The following SBNO1 variants were observed in gnomAD, a reference collection of about 807,000 sequenced individuals.
SBNO1 encodes protein strawberry notch homolog 1.
In SBNO1, 23 loss-of-function variants were observed where a neutral mutation model predicts 173.6. That is an observed-to-expected ratio of 0.13 (90% CI 0.10 to 0.19). The LOEUF is 0.19. Ranked by LOEUF, SBNO1 falls within the 10% of genes least tolerant of loss-of-function variation. The probability of loss-of-function intolerance (pLI) is 1.00; values close to 1 mark genes in which losing one functional copy is unlikely to be tolerated. For synonymous variants in SBNO1, 632 were observed against 571.5 expected (o/e 1.11, Z -1.51); for missense variants, 1,238 against 1,671.2 (o/e 0.74, Z 4.52).
chr12:123,296,250 G>GC (rs1472155553), intron 31 of SBNO1, among the ~76,000 whole-genome samples, 200 bp from the exon 32 acceptor site: 31 of 151,412 alleles, frequency 2.0e-4, no homozygotes, highest in African/African-American at 7.0e-4. Context: ...AAATACCCAA[G>GC]CATATGCATG....
intron 28 of SBNO1, among the ~76,000 whole-genome samples, chr12:123,308,997 G>A (rs774191275): frequency 7.9e-5 from 12 of 152,062 alleles, no homozygotes; most frequent in African/African-American, 2.4e-5. Context: ...AGCTACTCGG[G>A]AGGCAGAGGA....
At chr12:123,347,884 C>A in intron 3 of SBNO1, 145 bp downstream of exon 3, 1 of 444,982 alleles carries the variant, frequency 2.2e-6, no homozygotes, top group South Asian at 2.6e-5. Context: ...TCAAGCTGGT[C>A]TTGAATTCCT....
intron 24 of SBNO1, among the ~76,000 whole-genome samples, chr12:123,311,609 C>G (rs1018371796): frequency 6.6e-6 from 1 of 151,828 alleles, no homozygotes; most frequent in Non-Finnish European, 1.5e-5. Context: ...CCCGGCTCGG[C>G]CTCCCAAAGT....
intron 7 of SBNO1, 42 bp from the exon 8 acceptor site, chr12:123,331,417 A>G: frequency 6.3e-7 from 1 of 1,595,900 alleles, no homozygotes; most frequent in Non-Finnish European, 8.6e-7. Context: ...TCCTTCAGAT[A>G]TTTTGGTGAT....
intron 1 of SBNO1, among the ~76,000 whole-genome samples, chr12:123,362,805 G>A (rs943678350): frequency 1.3e-5 from 2 of 149,896 alleles, no homozygotes; most frequent in Non-Finnish European, 3.0e-5. Context: ...TTCTGAAGGG[G>A]CCAGGCACAA....
At chr12:123,301,018 C>CT (rs989121156) in intron 30 of SBNO1, among the ~76,000 whole-genome samples, 13 of 142,680 alleles carry the variant, frequency 9.1e-5, no homozygotes, top group South Asian at 2.4e-4. Flanking sequence ...ACTTTTAAAA[C>CT]TTTTTTTTTT....
At chr12:123,297,815 C>A (rs2048659550) in intron 31 of SBNO1, among the ~76,000 whole-genome samples, 163 bp downstream of exon 31, 1 of 152,134 alleles carries the variant, frequency 6.6e-6, no homozygotes, top group African/African-American at 2.4e-5. Context: ...TGTTTGAAGG[C>A]TTAACTTCTG....
At chr12:123,310,372 T>C (rs1731970757) in intron 25 of SBNO1, among the ~76,000 whole-genome samples, 1 of 151,868 alleles carries the variant, frequency 6.6e-6, no homozygotes, top group Non-Finnish European at 1.5e-5. Context: ...TAGCTGGGAT[T>C]ACAGGCGCCC....
At chr12:123,362,735 CTCCAGCCTGGGCA>C (rs1875482631) in intron 1 of SBNO1, among the ~76,000 whole-genome samples, 1 of 138,786 alleles carries the variant, frequency 7.2e-6, no homozygotes, top group South Asian at 2.3e-4. Flanking sequence ...TACCACTACA[CTCCAGCCTGGGCA>C]ACACAGCAAG....
Position 123,300,980 on chromosome 12 carries a change from C to CA in SBNO1, c.3845+1843dup, listed in dbSNP as rs1555244381. ...ATCTCAAAAAAAAAACAAAAAAAAACAAAAAAAAAACCCAAGTTAGTAGGT... is the reference window on the plus strand; with the variant it reads ...ATCTCAAAAAAAAAACAAAAAAAAACAAAAAAAAAAACCCAAGTTAGTAGGT... On this transcript the variant is annotated intron_variant, in intron 30 of 31. Transcript: ENST00000602398. 2.2e-3 allele frequency among the ~76,000 whole-genome samples: 305 copies of CA among 139,966 alleles called. 2 individuals are homozygous for CA. Among genetic ancestry groups the CA allele is most frequent in the African/African-American group, 4.6e-3 (176 of 38,238 alleles). The allele number at this position is 139,966 out of a possible 152,430, so 91.8% of individuals were successfully genotyped here. A position where few individuals can be genotyped will look rare whatever the true frequency, so the allele number is the denominator to read the frequency against.
Position 123,309,380 on chromosome 12 carries a change from G to A in SBNO1, c.3560C>T (p.Ser1187Leu), listed in dbSNP as rs771852394. 6.2e-7 allele frequency: 1 copy of A among 1,614,074 alleles called. No homozygotes were observed. The highest frequency in any genetic ancestry group is 8.5e-7 in the Non-Finnish European group (1 of 1,179,950). The stretch of plus-strand genomic sequence containing the variant: ...CCAAATCTTGGTAGCTTCCTCCCAT[G>A]ACATTCCCCTCTCTACACTAATCTG... The part of the protein sequence containing the change: ...LYTISVERGM[S>L]WEEATKIWAE... Residue 1187 changes from serine (S) to leucine (L), a missense_variant, in exon 28 of 32, where the codon TCA becomes TTA. Physicochemically the swap from Ser to Leu is moderately radical, Grantham distance 145. Coordinates refer to ENST00000602398, the MANE Select transcript of SBNO1 (RefSeq NM_001167856.3).
chr12:123,336,051 T>G (rs79119217), intron 6 of SBNO1, among the ~76,000 whole-genome samples: 8 of 152,226 alleles, frequency 5.3e-5, no homozygotes, highest in African/African-American at 1.7e-4. Flanking sequence ...TTCGACTTCA[T>G]ACAGTGGCTG....
rs370573671 is a variant in SBNO1, at chr12:123,327,001, TTTTTTG to T, written c.1692+419_1692+424del. Among the ~76,000 whole-genome samples, 774 of 152,170 alleles carry T rather than the reference TTTTTTG, an allele frequency of 5.1e-3. 6 individuals are homozygous for T. Among genetic ancestry groups the T allele is most frequent in the South Asian group, 0.04 (193 of 4,812 alleles). On this transcript the variant is annotated intron_variant, in intron 13 of 31. Transcript: ENST00000602398. ...CTGGTAACTCATCTGTTTGTTTTTG[TTTTTTG>T]TTTTTGTTTTTGTTTTGCGATGGAG...
chr12:123,358,471 G>A (rs1329538308), intron 1 of SBNO1, among the ~76,000 whole-genome samples: 7 of 151,992 alleles, frequency 4.6e-5, no homozygotes, highest in South Asian at 2.1e-4. Context: ...AATGAAATAC[G>A]GGCCAGGCGC....
intron 2 of SBNO1, among the ~76,000 whole-genome samples, chr12:123,349,541 A>G (rs1017018062): frequency 7.7e-6 from 1 of 129,538 alleles, no homozygotes; most frequent in Non-Finnish European, 1.5e-5. Context: ...CTATACGTTT[A>G]TAATAACATC....
At chr12:123,316,703 C>CTTTTT (rs545944754) in intron 21 of SBNO1, among the ~76,000 whole-genome samples, 1 of 123,900 alleles carries the variant, frequency 8.1e-6, no homozygotes, top group Non-Finnish European at 1.6e-5. Context: ...TTTTCTTCTT[C>CTTTTT]TTTTTTTTTT....
chr12:123,304,878 AAC>A (rs1033120276), intron 28 of SBNO1, among the ~76,000 whole-genome samples, 159 bp from the exon 29 acceptor site: 24 of 152,216 alleles, frequency 1.6e-4, no homozygotes, highest in African/African-American at 5.1e-4. Flanking sequence ...TTAAAAGACT[AAC>A]ACAGTCACAC....
In SBNO1 at chr12:123,330,450, G is replaced by T. The variant is rs1871082312; in HGVS notation, c.1103C>A (p.Ala368Glu). 6.2e-7 allele frequency: 1 copy of T among 1,601,058 alleles called. No homozygotes were observed. Residue 368 changes from alanine (A) to glutamate (E), a missense_variant, in exon 9 of 32, where the codon GCA (alanine) becomes GAA (glutamate). Around this residue, in one of 14 missense-constraint regions of SBNO1, gnomAD observed 56 missense variants for 65.1 expected, o/e 0.86. Coordinates refer to ENST00000602398, the MANE Select transcript of SBNO1 (RefSeq NM_001167856.3). The part of the protein sequence containing the change: ...DAERDLRDIG[A>E]KNILVHSLNK... ...TAACGAATGAACCAAAATGTTTTTTGCTCCAATATCCCTTAAATCTCTTTC... is the reference window on the plus strand; with the variant it reads ...TAACGAATGAACCAAAATGTTTTTTTCTCCAATATCCCTTAAATCTCTTTC...
chr12:123,316,242 T>C (rs1376346795), intron 21 of SBNO1, among the ~76,000 whole-genome samples: 2 of 152,314 alleles, frequency 1.3e-5, no homozygotes, highest in Admixed American at 6.5e-5. Context: ...TTTTTTGTTG[T>C]TGTTAGAGTT....
Sources: gnomAD v4.1 joint callset for allele counts (sites outside exome capture counted in the v4.1 genomes callset) on GRCh38, gnomAD v4.1.1 for gene constraint, gnomAD v4.1.1 regional missense constraint, MANE v1.5 for transcripts, NCBI Gene and HGNC (gene_info 2026-07-23, HGNC 2026-07-21) for gene names.